The following KCTD1 variants were observed in gnomAD, a reference collection of about 807,000 sequenced individuals.
KCTD1 encodes potassium channel tetramerization domain containing 1, also known as BTB/POZ domain-containing protein KCTD1.
Under a neutral mutation model 66.0 loss-of-function variants are expected in KCTD1, and 24 were observed. That is an observed-to-expected ratio of 0.36 (90% confidence interval 0.26 to 0.51). KCTD1 has a LOEUF of 0.51. KCTD1 is among the 20% of genes least tolerant of loss of function. The pLI is 0.95. For missense variants in KCTD1, 943 were observed against 1,205.2 expected (o/e 0.78, Z 3.22); for synonymous variants, 511 against 517.2 (o/e 0.99, Z 0.16).
intron 1 of KCTD1, among the ~76,000 whole-genome samples, chr18:26,562,241 G>T (rs1985874804): frequency 6.6e-6 from 1 of 151,942 alleles, no homozygotes; most frequent in Admixed American, 6.6e-5. Flanking sequence ...TGTGTCTCAA[G>T]ATTTGTTTGT....
At chr18:26,594,029 G>T (rs1482833097) in intron 1 of KCTD1, among the ~76,000 whole-genome samples, 1 of 152,220 alleles carries the variant, frequency 6.6e-6, no homozygotes, top group African/African-American at 2.4e-5. Flanking sequence ...CATCCTTGAT[G>T]CCTTCACTTA....
In KCTD1 at chr18:26,548,027, C is replaced by A; in HGVS notation, c.510G>T (p.Glu170Asp). The change falls in exon 1 of 5, where the codon GAG (glutamate) becomes GAT (aspartate). Residue 170 changes from glutamate (E) to aspartate (D), a missense_variant. Physicochemically the swap from Glu to Asp is conservative, Grantham distance 45 (BLOSUM62 2). This residue lies in a region of KCTD1 where 96 missense variants were observed against 132.5 expected (regional missense o/e 0.72). Transcript: ENST00000580059. ...CGTAGCGGGTGGCCAGCCGGGTGTT[C>A]TCGCTCAGCCGGGCCCGCTCGGGGC... ...LQRPERARLS[E>D]NTRLATRYAV... 2 of 1,522,970 alleles carry A rather than the reference C, an allele frequency of 1.3e-6. No homozygotes were observed. The highest frequency in any genetic ancestry group is 1.8e-6 in the Non-Finnish European group (2 of 1,137,742). 94.3% of individuals were successfully genotyped at this position (1,522,970 alleles called of 1,614,324 possible).
intron 3 of KCTD1, among the ~76,000 whole-genome samples, chr18:26,465,476 C>T (rs1350981025): frequency 6.6e-6 from 1 of 152,254 alleles, no homozygotes; most frequent in Non-Finnish European, 1.5e-5. Context: ...CAGTCCCCTC[C>T]TCATCCAGGG....
intron 1 of KCTD1, among the ~76,000 whole-genome samples, chr18:26,626,774 A>G (rs1235374715): frequency 6.6e-6 from 1 of 152,150 alleles, no homozygotes; most frequent in Non-Finnish European, 1.5e-5. Context: ...TGTGCCCAGC[A>G]GGAAGTAATA....
chr18:26,549,305 C>T, upstream of KCTD1: 1 of 985,350 alleles, frequency 1.0e-6, no homozygotes, highest in Non-Finnish European at 1.2e-6. Flanking sequence ...CCCTTTCCGA[C>T]TCTTGCAAAG....
chr18:26,612,746 CT>C (rs1486708505), intron 1 of KCTD1, among the ~76,000 whole-genome samples: 13 of 152,212 alleles, frequency 8.5e-5, no homozygotes, highest in Non-Finnish European at 1.3e-4. Context: ...CTCTGGCAAA[CT>C]TAACACATCT....
chr18:26,543,491 T>C (rs146069262), intron 1 of KCTD1: 2 of 152,370 alleles, frequency 1.3e-5, no homozygotes, highest in African/African-American at 4.8e-5. Context: ...TATTCCTTCT[T>C]CCTTGCCCCT....
chr18:26,656,294 G>A (rs1403185767), intron 1 of KCTD1, among the ~76,000 whole-genome samples: 2 of 151,952 alleles, frequency 1.3e-5, no homozygotes, highest in African/African-American at 4.8e-5. Flanking sequence ...TGCAGCGCTC[G>A]CATCCTTCCC....
chr18:26,500,769 A>T (rs887023078), intron 2 of KCTD1, among the ~76,000 whole-genome samples: 3 of 152,210 alleles, frequency 2.0e-5, no homozygotes, highest in African/African-American at 7.2e-5. Flanking sequence ...TGTTGGGGAG[A>T]AATCACCATC....
At chr18:26,651,799 A>AAAAAAGAAGAAGAAG in intron 1 of KCTD1, among the ~76,000 whole-genome samples, 3 of 117,146 alleles carry the variant, frequency 2.6e-5, no homozygotes, top group South Asian at 5.2e-4. Flanking sequence ...AAAAAAAAAA[A>AAAAAAGAAGAAGAAG]AAGAAGAAGA....
chr18:26,507,616 A>G (rs1180584074), intron 1 of KCTD1, among the ~76,000 whole-genome samples: 1 of 152,038 alleles, frequency 6.6e-6, no homozygotes, highest in Non-Finnish European at 1.5e-5. Context: ...GCCTCAAGTG[A>G]TCAAATGCCT....
chr18:26,461,587 G>T (rs1434083152), intron 3 of KCTD1, among the ~76,000 whole-genome samples: 1 of 152,214 alleles, frequency 6.6e-6, no homozygotes, highest in Non-Finnish European at 1.5e-5. Flanking sequence ...GTAGGAGTGG[G>T]GAAGCCTCTG....
chr18:26,629,241 T>C, exon 1 of KCTD1: 1 of 984,844 alleles, frequency 1.0e-6, no homozygotes, highest in Non-Finnish European at 1.2e-6. Context: ...ACGGGAGCTG[T>C]AAAAGGAGAA....
intron 1 of KCTD1, among the ~76,000 whole-genome samples, chr18:26,576,532 A>G (rs1301667446): frequency 2.0e-5 from 3 of 152,196 alleles, no homozygotes; most frequent in East Asian, 3.9e-4. Context: ...AGAGTTATAC[A>G]TGTTCCTAGC....
At chr18:26,527,849 GA>G (rs1361440840) in intron 1 of KCTD1, among the ~76,000 whole-genome samples, 6 of 145,326 alleles carry the variant, frequency 4.1e-5, no homozygotes, top group Admixed American at 2.1e-4. Context: ...ATAAATAAGA[GA>G]AAAAAAATAA....
chr18:26,480,040 A>T (rs906467472), intron 2 of KCTD1, among the ~76,000 whole-genome samples: 6 of 139,784 alleles, frequency 4.3e-5, no homozygotes, highest in African/African-American at 1.4e-4. Context: ...TGGTTTTGGA[A>T]TTTTTTTTTT....
chr18:26,634,634 C>T (rs999511233), intron 1 of KCTD1, among the ~76,000 whole-genome samples: 5 of 152,140 alleles, frequency 3.3e-5, no homozygotes, highest in Non-Finnish European at 5.9e-5. Flanking sequence ...TAGAGGATTA[C>T]TTAAGTAAAT....
chr18:26,515,131 T>C (rs879615914), intron 1 of KCTD1, among the ~76,000 whole-genome samples: 5 of 152,196 alleles, frequency 3.3e-5, no homozygotes, highest in Admixed American at 1.3e-4. Flanking sequence ...AAGATCAACC[T>C]GACTGGGAAG....
intron 1 of KCTD1, among the ~76,000 whole-genome samples, chr18:26,578,109 T>C (rs1986272989): frequency 6.9e-6 from 1 of 144,340 alleles, no homozygotes; most frequent in African/African-American, 2.6e-5. Context: ...CAGGATGGAG[T>C]GCAGTGCTCC....
Sources: allele counts gnomAD v4.1 joint callset (sites outside exome capture counted in the v4.1 genomes callset), GRCh38; gene constraint gnomAD v4.1.1; regional missense constraint gnomAD v4.1.1; transcripts MANE v1.5; gene names NCBI Gene and HGNC (gene_info 2026-07-23, HGNC 2026-07-21).